PPM1L: variants seen among roughly 807,000 people sequenced by gnomAD.
PPM1L encodes the protein protein phosphatase, Mg2+/Mn2+ dependent 1L.
PPM1L carries 13 observed loss-of-function variants against 31.4 expected under a neutral mutation model. The ratio of observed to expected loss-of-function variants is 0.41; its 90% CI spans 0.27 to 0.66. The LOEUF (loss-of-function observed/expected upper bound fraction) is 0.66. Among genes scored for constraint, PPM1L ranks in the 30% least tolerant of loss-of-function variants. The pLI, the probability that PPM1L is intolerant of heterozygous loss-of-function variation, is 0.29. For synonymous variants in PPM1L, 184 were observed against 175.4 expected (o/e 1.05, Z -0.39); for missense variants, 326 against 453.7 (o/e 0.72, Z 2.56).
chr3:160,772,774 G>C, intron 1 of PPM1L, among the ~76,000 whole-genome samples: 1 of 151,994 alleles, frequency 6.6e-6, no homozygotes, highest in Non-Finnish European at 1.5e-5. Context: ...TGTCACTATA[G>C]ACTAGTTTGC....
chr3:160,765,154 C>G (rs1715074094), intron 1 of PPM1L, among the ~76,000 whole-genome samples: 2 of 152,044 alleles, frequency 1.3e-5, no homozygotes. Context: ...ATATTATCCC[C>G]CATTTTGTAG....
intron 1 of PPM1L, among the ~76,000 whole-genome samples, chr3:160,837,097 C>A (rs964487086): frequency 6.6e-6 from 1 of 152,112 alleles, no homozygotes; most frequent in East Asian, 1.9e-4. Context: ...AATGGACCTA[C>A]TTTATTTTAC....
chr3:161,038,665 T>G (rs996824735), intron 2 of PPM1L, among the ~76,000 whole-genome samples: 1 of 151,738 alleles, frequency 6.6e-6, no homozygotes, highest in Non-Finnish European at 1.5e-5. Context: ...TCAGCACATC[T>G]TTTTGGTAAA....
chr3:160,795,834 AC>A lies in PPM1L; in HGVS notation c.399+39129del, dbSNP rs1412118206. ...GAAGACTGCAAACTTACCCCCACTT[AC>A]CTCTTCGTGAAGCCTCACAGGGCTC... On this transcript the variant is annotated intron_variant, in intron 1 of 3. Transcript: ENST00000498165. 3.9e-5 allele frequency among the ~76,000 whole-genome samples: 6 copies of A among 152,014 alleles called. No homozygotes were observed. The South Asian group carries it at 1.3e-3, about 32-fold the overall frequency.
chr3:160,797,994 A>G (rs1712310493), intron 1 of PPM1L, among the ~76,000 whole-genome samples: 1 of 152,176 alleles, frequency 6.6e-6, no homozygotes, highest in African/African-American at 2.4e-5. Flanking sequence ...CCTGGCCAAC[A>G]TGGTGAAACC....
chr3:160,768,894 C>T (rs1290566437), intron 1 of PPM1L, among the ~76,000 whole-genome samples: 2 of 152,226 alleles, frequency 1.3e-5, no homozygotes, highest in African/African-American at 4.8e-5. Context: ...CAGAAATTCT[C>T]TTCAGTTTTC....
chr3:160,891,298 A>G (rs912865522), intron 1 of PPM1L, among the ~76,000 whole-genome samples: 1 of 152,178 alleles, frequency 6.6e-6, no homozygotes, highest in African/African-American at 2.4e-5. Flanking sequence ...AAAGAAAAAA[A>G]ACAACCCCAT....
At chr3:160,757,817 A>G (rs1030117968) in intron 1 of PPM1L, among the ~76,000 whole-genome samples, 3 of 152,090 alleles carry the variant, frequency 2.0e-5, no homozygotes, top group African/African-American at 7.2e-5. Context: ...GTTTTCCCCC[A>G]ACTTTCTTCT....
intron 1 of PPM1L, among the ~76,000 whole-genome samples, chr3:160,788,111 G>A (rs1328756771): frequency 1.3e-5 from 2 of 151,860 alleles, no homozygotes; most frequent in Non-Finnish European, 2.9e-5. Flanking sequence ...CTTTTTTTTG[G>A]TTCCATAGAA....
At position 160,756,535 on chromosome 3, in the gene PPM1L, A is replaced by C; in HGVS notation, c.227A>C (p.Asp76Ala). 6.2e-7 allele frequency: 1 copy of C among 1,614,090 alleles called. No homozygotes were observed. Among genetic ancestry groups the C allele is most frequent in the Admixed American group, 1.7e-5 (1 of 60,020 alleles). Residue 76 changes from aspartate to alanine, a missense_variant, in exon 1 of 4, where the codon GAT becomes GCT. By Grantham distance (126) the Asp-to-Ala change is moderately radical. This residue lies in a region of PPM1L where 83 missense variants were observed against 79.4 expected (regional missense o/e 1.04). Coordinates refer to ENST00000498165, the MANE Select transcript of PPM1L (RefSeq NM_139245.4). This position sits in a 1 kb window ranked among gnomAD's most constrained non-coding sequence, Gnocchi z 6.2. ...IMQNDRLGGLDVLEAEFSKTW... is the reference protein window; with the variant it reads ...IMQNDRLGGLAVLEAEFSKTW... ...CAGAACGATCGACTCGGGGGGCTTG[A>C]TGTGCTCGAGGCCGAGTTTTCCAAG...
intron 1 of PPM1L, among the ~76,000 whole-genome samples, chr3:160,843,781 G>T (rs973771234): frequency 6.6e-6 from 1 of 151,812 alleles, no homozygotes; most frequent in South Asian, 2.1e-4. Flanking sequence ...CCATTACTGG[G>T]TATATACCCA....
rs1719519983 is a variant in PPM1L at position 161,059,878 on chromosome 3, A to ATGCCTCCTTTGCCTCC, written c.575-5520_575-5505dup. ...CTGCTCCAGCTATGTGAAGTGCCTCATGCCTCCTTTGCCTCCTGCCATGAT... is the reference window on the plus strand; with the variant it reads ...CTGCTCCAGCTATGTGAAGTGCCTCATGCCTCCTTTGCCTCCTGCCTCCTTTGCCTCCTGCCATGAT... On this transcript the variant is annotated intron_variant, in intron 2 of 3. Transcript: ENST00000498165. Among the ~76,000 whole-genome samples, 3 of 152,050 alleles carry ATGCCTCCTTTGCCTCC rather than the reference A, an allele frequency of 2.0e-5. No homozygotes were observed. In the East Asian group the frequency reaches 5.8e-4, roughly 29 times the overall value.
At chr3:161,063,168 G>A (rs1490833188) in intron 2 of PPM1L, among the ~76,000 whole-genome samples, 1 of 151,842 alleles carries the variant, frequency 6.6e-6, no homozygotes, top group Non-Finnish European at 1.5e-5. Context: ...AGATGTTTGG[G>A]GACAAAGTGA....
At chr3:160,926,049 C>T (rs955491413) in intron 1 of PPM1L, among the ~76,000 whole-genome samples, 3 of 152,252 alleles carry the variant, frequency 2.0e-5, no homozygotes, top group East Asian at 1.9e-4. Flanking sequence ...ATGAGAGAGA[C>T]GGGTCTTGTA....
chr3:160,849,419 C>CTTTTT (rs540982855), intron 1 of PPM1L, among the ~76,000 whole-genome samples: 2,503 of 143,396 alleles, frequency 0.017, 85 homozygotes, highest in African/African-American at 0.062. Flanking sequence ...TTCTTTCTTT[C>CTTTTT]TTTTTTTTTT....
chr3:160,990,220 T>G (rs1717088098), intron 2 of PPM1L, among the ~76,000 whole-genome samples: 1 of 151,974 alleles, frequency 6.6e-6, no homozygotes, highest in Non-Finnish European at 1.5e-5. Context: ...CAGGCTGGTC[T>G]CAAACTCCTG....
chr3:161,034,789 C>G (rs1258606110), intron 2 of PPM1L, among the ~76,000 whole-genome samples: 1 of 151,676 alleles, frequency 6.6e-6, no homozygotes, highest in Non-Finnish European at 1.5e-5. Context: ...CACCATGGCA[C>G]GTGTATACCT....
intron 2 of PPM1L, among the ~76,000 whole-genome samples, chr3:161,021,185 G>A (rs1718226617): frequency 6.6e-6 from 1 of 151,906 alleles, no homozygotes; most frequent in South Asian, 2.1e-4. Flanking sequence ...GTTTATAGCT[G>A]TAAAAACACT....
At chr3:160,873,632 C>T (rs2108031558) in intron 1 of PPM1L, among the ~76,000 whole-genome samples, 1 of 152,232 alleles carries the variant, frequency 6.6e-6, no homozygotes, top group Non-Finnish European at 1.5e-5. Context: ...ACTCCAACCT[C>T]TGTCCCCCGG....
Sources: allele counts gnomAD v4.1 joint callset (sites outside exome capture counted in the v4.1 genomes callset), GRCh38; gene constraint gnomAD v4.1.1; regional missense constraint gnomAD v4.1.1; non-coding constraint Gnocchi (gnomAD v3.1); transcripts MANE v1.5; gene names NCBI Gene and HGNC (gene_info 2026-07-23, HGNC 2026-07-21).